The following OPCML variants were observed in gnomAD, a reference collection of about 807,000 sequenced individuals.
The protein encoded by OPCML is opioid-binding protein/cell adhesion molecule.
OPCML carries 13 observed loss-of-function variants against 37.8 expected under a neutral mutation model. That is an observed-to-expected ratio of 0.34 (90% confidence interval 0.22 to 0.55). The LOEUF is 0.55. OPCML is among the 20% of genes least tolerant of loss of function. The pLI is 0.91. For synonymous variants in OPCML, 176 were observed against 168.8 expected, an observed-to-expected ratio of 1.04 and a Z score of -0.33; for missense variants, 341 against 435.6, an observed-to-expected ratio of 0.78 and a Z score of 1.93.
chr11:132,615,778 C>A (rs1938968757), intron 3 of OPCML, among the ~76,000 whole-genome samples: 1 of 151,936 alleles, frequency 6.6e-6, no homozygotes, highest in Non-Finnish European at 1.5e-5. Flanking sequence ...AAGCTCATAG[C>A]AGGAACTCAA....
At chr11:133,088,282 T>C (rs1248281552) in intron 1 of OPCML, among the ~76,000 whole-genome samples, 3 of 152,230 alleles carry the variant, frequency 2.0e-5, no homozygotes, top group Admixed American at 6.5e-5. Context: ...AAAGCACGGA[T>C]TGCGAAGTCA....
intron 1 of OPCML, among the ~76,000 whole-genome samples, chr11:133,442,777 GGAA>G (rs1430819947): frequency 7.3e-6 from 1 of 137,034 alleles, no homozygotes; most frequent in East Asian, 2.1e-4. Context: ...CTTTTTTGAG[GGAA>G]GAAGGTAAGA....
intron 2 of OPCML, among the ~76,000 whole-genome samples, chr11:132,787,053 G>T (rs769239779): frequency 5.9e-5 from 9 of 152,132 alleles, no homozygotes; most frequent in Non-Finnish European, 1.2e-4. Flanking sequence ...GAATCTATAG[G>T]TCTAGGGTAA....
Position 132,454,772 on chromosome 11 carries a change from C to T in OPCML, c.506-17413G>A, listed in dbSNP as rs556203741. Among the ~76,000 whole-genome samples the T allele has an allele frequency of 3.3e-5, 5 of 152,336 alleles. No homozygotes were observed. In the South Asian group the frequency reaches 1.0e-3, roughly 32 times the overall value. On this transcript the variant is annotated intron_variant, in intron 4 of 7. Transcript: ENST00000524381. ...TGAACTGACTTGTTGGAAATCCACA[C>T]CAGCACATAAATTGCTTCATAACTG...
intron 1 of OPCML, among the ~76,000 whole-genome samples, chr11:133,129,588 G>C (rs1301756599): frequency 6.6e-6 from 1 of 152,150 alleles, no homozygotes; most frequent in Admixed American, 6.5e-5. Flanking sequence ...CTGGCATTTA[G>C]TTTAAAAAGT....
At chr11:132,738,573 C>T (rs1945332499) in intron 2 of OPCML, among the ~76,000 whole-genome samples, 1 of 152,166 alleles carries the variant, frequency 6.6e-6, no homozygotes, top group African/African-American at 2.4e-5. Context: ...ATAGCTTGTC[C>T]TCCACAAGCC....
chr11:132,662,149 TG>T (rs1046097848), intron 2 of OPCML, among the ~76,000 whole-genome samples: 72 of 152,282 alleles, frequency 4.7e-4, no homozygotes, highest in African/African-American at 1.5e-3. Flanking sequence ...ACCTTTTCTG[TG>T]CATCAAAAAC....
chr11:132,525,457 C>G (rs1591506264), intron 4 of OPCML, among the ~76,000 whole-genome samples: 2 of 152,122 alleles, frequency 1.3e-5, no homozygotes, highest in Non-Finnish European at 1.5e-5. Context: ...CACCATAATC[C>G]TACTGGAATT....
At chr11:132,542,610 G>A (rs988590223) in intron 3 of OPCML, among the ~76,000 whole-genome samples, 16 of 152,088 alleles carry the variant, frequency 1.1e-4, no homozygotes, top group African/African-American at 3.6e-4. Context: ...CTCCTGCCCT[G>A]CTCTGCACCA....
chr11:133,141,464 G>T (rs1196190843), intron 1 of OPCML, among the ~76,000 whole-genome samples: 3 of 152,102 alleles, frequency 2.0e-5, no homozygotes, highest in Non-Finnish European at 4.4e-5. Flanking sequence ...GACCAGGGCA[G>T]CCCTAGCCTT....
rs546086804 is a variant in OPCML, at chr11:132,940,549, T to C, written c.146+2377A>G. Among the ~76,000 whole-genome samples, 4 of 152,320 alleles carry C rather than the reference T, an allele frequency of 2.6e-5. No homozygotes were observed. The East Asian group carries it at 7.7e-4, about 29-fold the overall frequency. ...ACCACCAAATAAAACATGGTATATT[T>C]ATCTGGGGTTGAAGCCATGGGCTTC... On this transcript the variant is annotated intron_variant, in intron 2 of 7. Transcript: ENST00000524381.
chr11:132,529,013 G>A lies in OPCML; in HGVS notation c.505+48C>T, dbSNP rs183897156. The A allele has an allele frequency of 1.0e-3, 1,243 of 1,208,822 alleles. 1 individual carries two copies. The highest frequency in any genetic ancestry group is 1.5e-3 in the Admixed American group (82 of 54,296). 74.9% of individuals were successfully genotyped at this position (1,208,822 alleles called of 1,614,324 possible). A position where few individuals can be genotyped will look rare whatever the true frequency, so the allele number is the denominator to read the frequency against. Reference sequence around the variant, plus strand: ...AAGCTCTGTTGTGCATAAGAGCCAAGACTTTAACATACTACCTCTGAAAAC... The same window carrying A: ...AAGCTCTGTTGTGCATAAGAGCCAAAACTTTAACATACTACCTCTGAAAAC... On this transcript the variant is annotated intron_variant, in intron 4 of 7. Transcript: ENST00000524381.
At chr11:132,687,573 C>T (rs375960813) in intron 2 of OPCML, among the ~76,000 whole-genome samples, 2 of 151,344 alleles carry the variant, frequency 1.3e-5, no homozygotes, top group African/African-American at 2.4e-5. Flanking sequence ...CTATTATATT[C>T]TTTTCTTTTT....
chr11:133,317,374 T>A lies in OPCML; in HGVS notation c.61+214890A>T, dbSNP rs79204707. On this transcript the variant is annotated intron_variant, in intron 1 of 7. Coordinates refer to ENST00000524381, the MANE Select transcript of OPCML (RefSeq NM_001012393.5). ...ATTTGAAAACTTATCTATCACAGAATAAATAAAATCCAGGGCATTTATCCC... is the reference window on the plus strand; with the variant it reads ...ATTTGAAAACTTATCTATCACAGAAAAAATAAAATCCAGGGCATTTATCCC... Among the ~76,000 whole-genome samples, 1,007 of 152,314 alleles carry A rather than the reference T, an allele frequency of 6.6e-3. 2 individuals are homozygous for A. The highest frequency in any genetic ancestry group is 0.014 in the Middle Eastern group (4 of 292).
chr11:133,263,481 C>A (rs985042554), intron 1 of OPCML, among the ~76,000 whole-genome samples: 1 of 152,152 alleles, frequency 6.6e-6, no homozygotes, highest in East Asian at 1.9e-4. Flanking sequence ...GTAGGCTCTG[C>A]CCTACAGCCT....
intron 1 of OPCML, chr11:133,419,351 A>G: frequency 1.0e-6 from 1 of 985,414 alleles, no homozygotes; most frequent in Non-Finnish European, 1.2e-6. Flanking sequence ...ACTGATAGTG[A>G]TGTGCTGGAG....
At chr11:133,317,541 C>T (rs540578526) in intron 1 of OPCML, among the ~76,000 whole-genome samples, 50 of 152,266 alleles carry the variant, frequency 3.3e-4, no homozygotes, top group African/African-American at 1.2e-3. Flanking sequence ...AGGCAAGATG[C>T]TTTTATTCCT....
chr11:132,589,830 T>C (rs117581416), intron 3 of OPCML, among the ~76,000 whole-genome samples: 145 of 152,342 alleles, frequency 9.5e-4, no homozygotes, highest in Non-Finnish European at 1.8e-3. Context: ...TTTCCTTAGA[T>C]ATTTTTTCTG....
intron 2 of OPCML, among the ~76,000 whole-genome samples, chr11:132,850,999 G>C (rs1279896517): frequency 1.3e-5 from 2 of 152,190 alleles, no homozygotes; most frequent in Non-Finnish European, 2.9e-5. Context: ...ATAGAATTCA[G>C]AGAGGTCTAT....
Sources: gnomAD v4.1 joint callset for allele counts (sites outside exome capture counted in the v4.1 genomes callset) on GRCh38, gnomAD v4.1.1 for gene constraint, MANE v1.5 for transcripts, NCBI Gene and HGNC (gene_info 2026-07-23, HGNC 2026-07-21) for gene names.